The following ZNF503 variants were observed in gnomAD, a reference collection of about 807,000 sequenced individuals.
ZNF503 encodes the protein NocA-like zinc finger 2.
ZNF503 carries 15 observed loss-of-function variants against 34.4 expected under a neutral mutation model. The observed-to-expected ratio is 0.44, with a 90% CI of 0.29 to 0.67. ZNF503 has a LOEUF of 0.67. Ranked by LOEUF, ZNF503 falls within the 30% of genes least tolerant of loss-of-function variation. The pLI is 0.13. For missense variants in ZNF503, 1,007 were observed against 926.8 expected (o/e 1.09, Z -1.12); for synonymous variants, 580 against 456.8 (o/e 1.27, Z -3.44).
chr10:75,368,103 C>A, the ZNF503 span, among the ~76,000 whole-genome samples: 2 of 152,130 alleles, frequency 1.3e-5, no homozygotes, highest in African/African-American at 4.8e-5. Context: ...GAATTTTGAC[C>A]CCATGTCCTT....
At chr10:75,284,280 C>T in the ZNF503 span, among the ~76,000 whole-genome samples, 1 of 151,800 alleles carries the variant, frequency 6.6e-6, no homozygotes, top group Admixed American at 6.6e-5. Context: ...GGGGAAACAT[C>T]TTTATTCCAC....
the ZNF503 span, among the ~76,000 whole-genome samples, chr10:75,330,435 T>C: frequency 6.6e-6 from 1 of 152,226 alleles, no homozygotes; most frequent in Non-Finnish European, 1.5e-5. Context: ...GTATCGGTTC[T>C]TCTTTACAGG....
chr10:75,361,156 C>T, the ZNF503 span: 1 of 152,226 alleles, frequency 6.6e-6, no homozygotes, highest in East Asian at 1.9e-4. Context: ...AATCCCAGCT[C>T]TTACTAAGTT....
chr10:75,316,235 A>G, the ZNF503 span, among the ~76,000 whole-genome samples: 1 of 152,208 alleles, frequency 6.6e-6, no homozygotes, highest in South Asian at 2.1e-4. Context: ...TCATAGACAT[A>G]TTCAGAACCT....
At chr10:75,385,741 AG>A in the ZNF503 span, among the ~76,000 whole-genome samples, 1 of 152,214 alleles carries the variant, frequency 6.6e-6, no homozygotes. Context: ...GTGTGAGAAG[AG>A]TATATGGGAT....
At chr10:75,401,798 A>G (rs1554886872), upstream of ZNF503, 2 of 237,244 alleles carry the variant, frequency 8.4e-6, no homozygotes, top group South Asian at 6.1e-5. Context: ...CAGCTGCACC[A>G]AGGGGGAGAT....
At chr10:75,301,250 T>G in the ZNF503 span, among the ~76,000 whole-genome samples, 1 of 152,210 alleles carries the variant, frequency 6.6e-6, no homozygotes, top group South Asian at 2.1e-4. Flanking sequence ...CATTTTTCTT[T>G]TCTTTTTTTT....
At chr10:75,285,643 C>A in the ZNF503 span, among the ~76,000 whole-genome samples, 1 of 152,222 alleles carries the variant, frequency 6.6e-6, no homozygotes, top group East Asian at 1.9e-4. Context: ...GAAAGCCGGA[C>A]ACTGACATGA....
At chr10:75,282,378 T>C in the ZNF503 span, among the ~76,000 whole-genome samples, 1 of 152,208 alleles carries the variant, frequency 6.6e-6, no homozygotes, top group African/African-American at 2.4e-5. Flanking sequence ...GAAGATATGA[T>C]GCTTTGTGTT....
downstream of ZNF503, among the ~76,000 whole-genome samples, chr10:75,393,982 A>G (rs1843671069): frequency 6.6e-6 from 1 of 152,272 alleles, no homozygotes; most frequent in African/African-American, 2.4e-5. Context: ...ACCCTCCTCT[A>G]GCTGGAACAG....
the ZNF503 span, among the ~76,000 whole-genome samples, chr10:75,308,672 C>T: frequency 6.6e-6 from 1 of 152,162 alleles, no homozygotes; most frequent in Non-Finnish European, 1.5e-5. Flanking sequence ...CAACCCTCAT[C>T]TGATCTCATA....
chr10:75,367,538 T>A, the ZNF503 span, among the ~76,000 whole-genome samples: 2 of 152,004 alleles, frequency 1.3e-5, no homozygotes, highest in African/African-American at 4.8e-5. Flanking sequence ...TTTAAAAGAG[T>A]CTCAGATGAA....
Position 75,399,656 on chromosome 10 carries a change from G to C in ZNF503, c.1034C>G (p.Pro345Arg), listed in dbSNP as rs904705791. ...GLVAPVSPYK[P>R]GQTVFPLPPA... Reference sequence around the variant, plus strand: ...AGGCAGAGGGAACACTGTCTGGCCCGGCTTGTAGGGTGACACGGGAGCCAC... The same window carrying C: ...AGGCAGAGGGAACACTGTCTGGCCCCGCTTGTAGGGTGACACGGGAGCCAC... The change falls in exon 2 of 2, where the codon CCG (proline) becomes CGG (arginine). Residue 345 changes from proline (P) to arginine (R), a missense_variant. By Grantham distance (103) the Pro-to-Arg change is moderately radical. Coordinates refer to ENST00000372524, the MANE Select transcript of ZNF503 (RefSeq NM_032772.6). The C allele has an allele frequency of 3.8e-6, 6 of 1,599,466 alleles. No individual in the cohort carries two copies. Among genetic ancestry groups the C allele is most frequent in the Non-Finnish European group, 5.1e-6 (6 of 1,179,648 alleles).
the ZNF503 span, among the ~76,000 whole-genome samples, chr10:75,349,125 A>G: frequency 6.6e-6 from 1 of 152,330 alleles, no homozygotes; most frequent in Middle Eastern, 3.4e-3. Flanking sequence ...CACACTCAAG[A>G]AATTTAACCT....
the ZNF503 span, among the ~76,000 whole-genome samples, chr10:75,313,095 A>G: frequency 6.6e-6 from 1 of 152,286 alleles, no homozygotes; most frequent in Non-Finnish European, 1.5e-5. Context: ...TTTCCTTTAT[A>G]AATTACCCAG....
chr10:75,305,809 G>C, the ZNF503 span, among the ~76,000 whole-genome samples: 2 of 152,060 alleles, frequency 1.3e-5, no homozygotes, highest in Non-Finnish European at 2.9e-5. Flanking sequence ...GTTTATTTCT[G>C]TTAGCATAAC....
At chr10:75,357,508 A>G in the ZNF503 span, among the ~76,000 whole-genome samples, 3 of 152,228 alleles carry the variant, frequency 2.0e-5, no homozygotes, top group South Asian at 4.1e-4. Flanking sequence ...ACAGAGCGAG[A>G]CTCTGTCTCA....
chr10:75,293,560 T>A, the ZNF503 span, among the ~76,000 whole-genome samples: 2 of 152,090 alleles, frequency 1.3e-5, no homozygotes, highest in Non-Finnish European at 2.9e-5. Flanking sequence ...CTGGTCTTCC[T>A]GAGGCTTCTG....
chr10:75,401,281 A>G lies in ZNF503; in HGVS notation c.139T>C (p.Ser47Pro), dbSNP rs923688202. The G allele has an allele frequency of 3.2e-6, 5 of 1,582,748 alleles. No homozygotes were observed. The Admixed American group carries it at 9.1e-5, about 29-fold the overall frequency. ...GGCTTGGTGCTGCCGGCCGGGGACGAGCCTGGGCCGGGGCCGGAGCTATTT... is the reference window on the plus strand; with the variant it reads ...GGCTTGGTGCTGCCGGCCGGGGACGGGCCTGGGCCGGGGCCGGAGCTATTT... The part of the protein sequence containing the change: ...SGNSSGPGPG[S>P]SPAGSTKPFV... The change falls in exon 1 of 2, where the codon TCG becomes CCG. Residue 47 changes from serine (S) to proline (P), a missense_variant. Physicochemically the swap from Ser to Pro is moderately conservative, Grantham distance 74. Transcript: ENST00000372524.
Sources: gnomAD v4.1 joint callset for allele counts (sites outside exome capture counted in the v4.1 genomes callset) on GRCh38, gnomAD v4.1.1 for gene constraint, MANE v1.5 for transcripts, NCBI Gene and HGNC (gene_info 2026-07-23, HGNC 2026-07-21) for gene names.